CBLN2: variants seen among roughly 807,000 people sequenced by gnomAD.
CBLN2 encodes cerebellin-2.
In CBLN2, 7 loss-of-function variants were observed where a neutral mutation model predicts 15.0. The observed-to-expected ratio is 0.47, with a 90% confidence interval of 0.27 to 0.88. The LOEUF (loss-of-function observed/expected upper bound fraction) is 0.88. Ranked by LOEUF, CBLN2 falls within the 40% of genes least tolerant of loss-of-function variation. The pLI, the probability that CBLN2 is intolerant of heterozygous loss-of-function variation, is 0.14. For missense variants in CBLN2, 242 were observed against 304.5 expected (o/e 0.79, Z 1.53); for synonymous variants, 149 against 135.2 (o/e 1.10, Z -0.71).
At chr18:72,611,128 A>T (rs187582386) in intron 1 of CBLN2, among the ~76,000 whole-genome samples, 5 of 152,264 alleles carry the variant, frequency 3.3e-5, no homozygotes, top group Admixed American at 3.3e-4. Flanking sequence ...TATTTTCTTT[A>T]TCCAATCTAC....
intron 1 of CBLN2, among the ~76,000 whole-genome samples, chr18:72,558,381 G>A (rs2069239713): frequency 6.6e-6 from 1 of 152,214 alleles, no homozygotes; most frequent in Non-Finnish European, 1.5e-5. Flanking sequence ...TCCACACTGG[G>A]TCTGTCCTGC....
intron 1 of CBLN2, among the ~76,000 whole-genome samples, chr18:72,562,647 T>C (rs1195295501): frequency 1.3e-5 from 2 of 152,186 alleles, no homozygotes; most frequent in Non-Finnish European, 2.9e-5. Flanking sequence ...TAAACCCGGA[T>C]AACACAAATG....
intron 1 of CBLN2, among the ~76,000 whole-genome samples, chr18:72,615,226 A>ATT (rs2069651989): frequency 7.3e-6 from 1 of 137,504 alleles, no homozygotes; most frequent in African/African-American, 2.7e-5. Flanking sequence ...ATATATGTAC[A>ATT]TATATATTAT....
chr18:72,595,699 C>A (rs1455182924), intron 1 of CBLN2, among the ~76,000 whole-genome samples: 1 of 152,128 alleles, frequency 6.6e-6, no homozygotes, highest in East Asian at 1.9e-4. Context: ...TATGTCAGTG[C>A]TCCAATGTTG....
At chr18:72,609,859 T>A (rs934686321) in intron 1 of CBLN2, among the ~76,000 whole-genome samples, 3 of 152,186 alleles carry the variant, frequency 2.0e-5, no homozygotes, top group Non-Finnish European at 4.4e-5. Context: ...TACTTCCTAC[T>A]TCATGCCATT....
Position 72,542,180 on chromosome 18 carries a change from C to G in CBLN2, c.-20G>C. 8.3e-7 allele frequency: 1 copy of G among 1,211,844 alleles called. No homozygotes were observed. Among genetic ancestry groups the G allele is most frequent in the Non-Finnish European group, 1.0e-6 (1 of 976,808 alleles). 75.1% of individuals were successfully genotyped at this position (1,211,844 alleles called of 1,614,324 possible). A position where few individuals can be genotyped will look rare whatever the true frequency, so the allele number is the denominator to read the frequency against. ...CTGCATCGGGACTGGTGGGAGGCGG[C>G]GCGCGGGGGTGGAGGCCGGCGCCGG... On this transcript the variant is annotated 5_prime_UTR_variant, in exon 3 of 5. Transcript: ENST00000269503.
At chr18:72,562,921 T>C (rs1488433637) in intron 1 of CBLN2, among the ~76,000 whole-genome samples, 2 of 152,350 alleles carry the variant, frequency 1.3e-5, no homozygotes, top group South Asian at 2.1e-4. Context: ...TGAAAGCAAG[T>C]TGCTTCTAGG....
intron 1 of CBLN2, among the ~76,000 whole-genome samples, chr18:72,565,253 C>T (rs2069286921): frequency 6.6e-6 from 1 of 152,014 alleles, no homozygotes; most frequent in African/African-American, 2.4e-5. Flanking sequence ...CTATTACTGT[C>T]ATGGTAGTAA....
chr18:72,542,041 C>T lies in CBLN2; in HGVS notation c.120G>A (p.Leu40=), dbSNP rs767784866. ...CGGGGCAGCAGGCGGGCAGTAGCAG[C>T]AACAGCAGGGCCAGCGCCACCCCCA... The part of the protein sequence containing the change: ...SCLGVALALL[L]LLLPACCPVR... Residue 40 remains leucine, a synonymous_variant, in exon 3 of 5, where the codon TTG becomes TTA. Coordinates refer to ENST00000269503, the MANE Select transcript of CBLN2 (RefSeq NM_182511.4). The T allele has an allele frequency of 2.5e-6, 4 of 1,590,798 alleles. No homozygotes were observed. The East Asian group carries it at 9.2e-5, about 37-fold the overall frequency.
intron 1 of CBLN2, among the ~76,000 whole-genome samples, chr18:72,558,958 G>T (rs2069243407): frequency 6.6e-6 from 1 of 152,146 alleles, no homozygotes; most frequent in Non-Finnish European, 1.5e-5. Context: ...TGGAGTCGGG[G>T]TGGGGAGAAT....
intron 1 of CBLN2, among the ~76,000 whole-genome samples, chr18:72,588,844 G>T (rs2069459590): frequency 6.6e-6 from 1 of 152,224 alleles, no homozygotes; most frequent in Admixed American, 6.5e-5. Flanking sequence ...ACAGCACCAT[G>T]TAGGGAACAT....
At chr18:72,589,043 G>T (rs1039844739) in intron 1 of CBLN2, among the ~76,000 whole-genome samples, 5 of 152,130 alleles carry the variant, frequency 3.3e-5, no homozygotes, top group Non-Finnish European at 7.3e-5. Context: ...CTGGTCAGAT[G>T]TTGATTTTGC....
At chr18:72,624,431 G>A (rs2069721584) in intron 1 of CBLN2, among the ~76,000 whole-genome samples, 2 of 152,058 alleles carry the variant, frequency 1.3e-5, no homozygotes, top group South Asian at 4.1e-4. Context: ...CTTGAGGTAG[G>A]GAGTTCAAGA....
At chr18:72,559,384 A>T (rs1457019153) in intron 1 of CBLN2, among the ~76,000 whole-genome samples, 1 of 152,072 alleles carries the variant, frequency 6.6e-6, no homozygotes, top group East Asian at 1.9e-4. Flanking sequence ...GTGTTCCCTA[A>T]CCTATTAGGG....
At chr18:72,602,482 C>T (rs570467301) in intron 1 of CBLN2, among the ~76,000 whole-genome samples, 5 of 152,084 alleles carry the variant, frequency 3.3e-5, no homozygotes, top group Non-Finnish European at 7.3e-5. Context: ...CTCTTTTTAA[C>T]CCCTCATCCC....
chr18:72,601,169 C>T (rs141237047), intron 1 of CBLN2, among the ~76,000 whole-genome samples: 73 of 152,254 alleles, frequency 4.8e-4, no homozygotes, highest in Non-Finnish European at 9.0e-4. Context: ...GTTGTGAGGG[C>T]TATTATCATC....
chr18:72,563,969 A>G (rs1321442788), intron 1 of CBLN2, among the ~76,000 whole-genome samples: 1 of 152,218 alleles, frequency 6.6e-6, no homozygotes, highest in Non-Finnish European at 1.5e-5. Flanking sequence ...TTCTAAAGAA[A>G]TTGCATTGAA....
intron 1 of CBLN2, among the ~76,000 whole-genome samples, chr18:72,569,034 C>T (rs1004953713): frequency 7.2e-5 from 11 of 152,172 alleles, no homozygotes; most frequent in African/African-American, 2.7e-4. Context: ...ATTTGTTTCA[C>T]TTGTTAATGC....
intron 3 of CBLN2, chr18:72,539,269 C>T (rs1009081493): frequency 4.5e-5 from 7 of 156,712 alleles, no homozygotes; most frequent in Admixed American, 4.3e-4. Flanking sequence ...TAAAGGAGAT[C>T]ACTTCTGTAA....
Sources: gnomAD v4.1 joint callset for allele counts (sites outside exome capture counted in the v4.1 genomes callset) on GRCh38, gnomAD v4.1.1 for gene constraint, MANE v1.5 for transcripts, NCBI Gene and HGNC (gene_info 2026-07-23, HGNC 2026-07-21) for gene names.